Variants in ZC3H8 observed in about 807,000 individuals in gnomAD.
ZC3H8 encodes the protein zinc finger CCCH domain-containing protein 8.
A neutral mutation model predicts 42.5 loss-of-function variants in ZC3H8; 27 were observed. The ratio of observed to expected loss-of-function variants is 0.64; its 90% CI spans 0.47 to 0.88. ZC3H8 has a LOEUF of 0.88. Ranked by LOEUF, ZC3H8 falls within the 40% of genes least tolerant of loss-of-function variation. The probability of loss-of-function intolerance (pLI) is 0.00; values close to 1 mark genes in which losing one functional copy is unlikely to be tolerated. For synonymous variants in ZC3H8, 101 were observed against 110.1 expected (o/e 0.92, Z 0.52); for missense variants, 277 against 336.1 (o/e 0.82, Z 1.37).
chr2:112,227,204 A>T (rs1336599965), intron 8 of ZC3H8, among the ~76,000 whole-genome samples: 1 of 152,242 alleles, frequency 6.6e-6, no homozygotes, highest in African/African-American at 2.4e-5. Context: ...CAGGCACAAA[A>T]GAAATAAAAA....
At position 112,214,610 on chromosome 2, in the gene ZC3H8, C is replaced by T. The variant is rs1684259669; in HGVS notation, c.*1874G>A. The T allele has an allele frequency of 6.6e-6, 1 of 152,136 alleles. No individual in the cohort carries two copies. The highest frequency in any genetic ancestry group is 6.6e-5 in the Admixed American group (1 of 15,252). 9.4% of individuals were successfully genotyped at this position (152,136 alleles called of 1,614,324 possible). On this transcript the variant is annotated 3_prime_UTR_variant, in exon 9 of 9. Transcript: ENST00000409573. ...GCTACAATGGCTAGGTGATAGAGTA[C>T]TTTGGACGAATGGCTCTTGAGACGA...
At position 112,224,107 on chromosome 2, in the gene ZC3H8, C is replaced by T. The variant is rs552942573; in HGVS notation, c.*15+6796G>A. On this transcript the variant is annotated intron_variant, in intron 8 of 8. Coordinates refer to ENST00000409573, the MANE Select transcript of ZC3H8 (RefSeq NM_032494.3). ...TGAGCTGAGATAGATAATGCCACTG[C>T]ACTCCAGCTTAGGTGACAGAGTGAG... Among the ~76,000 whole-genome samples, 37 of 152,250 alleles carry T rather than the reference C, an allele frequency of 2.4e-4. 1 individual carries two copies. In the South Asian group the frequency reaches 7.1e-3, roughly 29 times the overall value.
chr2:112,242,667 T>TAAAAGAA (rs1484261305), intron 2 of ZC3H8, among the ~76,000 whole-genome samples: 1 of 152,214 alleles, frequency 6.6e-6, no homozygotes, highest in Non-Finnish European at 1.5e-5. Flanking sequence ...GTAACAATAC[T>TAAAAGAA]ACAGTAGTGC....
chr2:112,254,962 AAAAGATTCTC>A lies in ZC3H8; in HGVS notation c.10_19del (p.Glu4SerfsTer24). 1 of 1,612,402 alleles carries A rather than the reference AAAAGATTCTC, an allele frequency of 6.2e-7. No homozygotes were observed. Among genetic ancestry groups the A allele is most frequent in the Non-Finnish European group, 8.5e-7 (1 of 1,179,354 alleles). ...GAGGGCCGGGTTGGGGGGTTTTGAG[AAAAGATTCTC>A]AAAATCCATGACCCAGACAGGTCCT... On this transcript the variant is annotated frameshift_variant, in exon 1 of 9. Coordinates refer to ENST00000409573, the MANE Select transcript of ZC3H8 (RefSeq NM_032494.3). LOFTEE classifies it high-confidence loss of function.
At chr2:112,219,651 T>C (rs1684498746) in intron 8 of ZC3H8, among the ~76,000 whole-genome samples, 1 of 146,264 alleles carries the variant, frequency 6.8e-6, no homozygotes, top group African/African-American at 2.6e-5. Flanking sequence ...AGTGGGGTGA[T>C]TTTTTTTTTT....
chr2:112,244,941 G>A (rs1055233715), intron 2 of ZC3H8, among the ~76,000 whole-genome samples: 9 of 152,140 alleles, frequency 5.9e-5, no homozygotes, highest in African/African-American at 1.9e-4. Flanking sequence ...AGTGTTCAAG[G>A]GAAAGGAAGA....
chr2:112,231,787 A>T, intron 7 of ZC3H8, 51 bp downstream of exon 7: 1 of 1,203,476 alleles, frequency 8.3e-7, no homozygotes, highest in Non-Finnish European at 1.2e-6. Context: ...CTTAGTTCAA[A>T]CATATTCCTT....
chr2:112,219,611 TTTC>T (rs771180781), intron 8 of ZC3H8, among the ~76,000 whole-genome samples: 7 of 152,200 alleles, frequency 4.6e-5, no homozygotes, highest in Non-Finnish European at 7.3e-5. Flanking sequence ...GATTTCTACT[TTTC>T]TTGCACAGTG....
chr2:112,230,957 T>TA lies in ZC3H8; in HGVS notation c.844-8dup, dbSNP rs745675983. The TA allele has an allele frequency of 2.4e-3, 2,775 of 1,161,902 alleles. No individual in the cohort carries two copies. Among genetic ancestry groups the TA allele is most frequent in the East Asian group, 4.6e-3 (118 of 25,488 alleles). The allele number at this position is 1,161,902 out of a possible 1,614,324, so 72.0% of individuals were successfully genotyped here. On this transcript the variant is annotated splice_polypyrimidine_tract_variant and splice_region_variant and intron_variant, in intron 7 of 8. Coordinates refer to ENST00000409573, the MANE Select transcript of ZC3H8 (RefSeq NM_032494.3). ...TCTTTTCAGTATCCAAAACCTAATA[T>TA]AAAAAAAAAATCACATAATCATTTT...
intron 6 of ZC3H8, among the ~76,000 whole-genome samples, chr2:112,233,022 G>A (rs1227604459): frequency 6.6e-6 from 1 of 152,112 alleles, no homozygotes; most frequent in East Asian, 1.9e-4. Flanking sequence ...AGGTCTCATG[G>A]ACCCTCTATA....
intron 2 of ZC3H8, among the ~76,000 whole-genome samples, chr2:112,248,363 G>GA (rs1469290710): frequency 6.6e-6 from 1 of 150,770 alleles, no homozygotes; most frequent in Non-Finnish European, 1.5e-5. Context: ...AAAAGAAAAG[G>GA]AAAAAAAGAA....
intron 4 of ZC3H8, 25 bp downstream of exon 4, chr2:112,236,537 T>G: frequency 6.2e-7 from 1 of 1,607,562 alleles, no homozygotes; most frequent in South Asian, 1.1e-5. Context: ...GGGTCAGGTA[T>G]TCCTAGAAGC....
intron 3 of ZC3H8, among the ~76,000 whole-genome samples, chr2:112,238,031 T>C (rs1311414417): frequency 2.6e-5 from 4 of 152,156 alleles, no homozygotes; most frequent in East Asian, 1.9e-4. Flanking sequence ...CCTTCACACA[T>C]GCAGAGGCCA....
chr2:112,237,616 G>A (rs1685396343), intron 3 of ZC3H8, among the ~76,000 whole-genome samples: 2 of 148,750 alleles, frequency 1.3e-5, no homozygotes, highest in Admixed American at 6.7e-5. Flanking sequence ...TCGCTCTGTT[G>A]TCCAGGTTGG....
At chr2:112,217,647 T>C (rs1194894449) in intron 8 of ZC3H8, among the ~76,000 whole-genome samples, 1 of 152,228 alleles carries the variant, frequency 6.6e-6, no homozygotes, top group Non-Finnish European at 1.5e-5. Context: ...CATTCTTTAA[T>C]ATCACCAATG....
intron 2 of ZC3H8, among the ~76,000 whole-genome samples, chr2:112,247,927 C>T (rs1386772579): frequency 6.6e-6 from 1 of 152,234 alleles, no homozygotes; most frequent in East Asian, 1.9e-4. Context: ...TTGGAAGCCA[C>T]ATAGGCCCCA....
At position 112,254,919 on chromosome 2, in the gene ZC3H8, G is replaced by A; in HGVS notation, c.63C>T (p.Asp21=). The A allele has an allele frequency of 1.2e-6, 2 of 1,613,504 alleles. No homozygotes were observed. The highest frequency in any genetic ancestry group is 2.2e-5 in the East Asian group (1 of 44,876). ...PNPALGKTAT[D]SDERIDDEID... ...AGATATGGGATCACCTTTCGTCAGA[G>A]TCCGTGGCCGTTTTGCCGAGGGCCG... is the stretch of plus-strand genomic sequence containing the variant. The change falls in exon 1 of 9, where the codon GAC becomes GAT. Residue 21 remains aspartate, a synonymous_variant. Coordinates refer to ENST00000409573, the MANE Select transcript of ZC3H8 (RefSeq NM_032494.3).
chr2:112,254,759 A>G, intron 1 of ZC3H8, 149 bp downstream of exon 1: 1 of 881,106 alleles, frequency 1.1e-6, no homozygotes, highest in Non-Finnish European at 1.7e-6. Context: ...TATAGGTCAG[A>G]CGGTGGCGCC....
At chr2:112,234,777 G>C (rs1412144428) in intron 4 of ZC3H8, among the ~76,000 whole-genome samples, 1 of 151,682 alleles carries the variant, frequency 6.6e-6, no homozygotes, top group Non-Finnish European at 1.5e-5. Flanking sequence ...TCCAGCCTGG[G>C]CAATAGAACG....
Sources: allele counts gnomAD v4.1 joint callset (sites outside exome capture counted in the v4.1 genomes callset), GRCh38; gene constraint gnomAD v4.1.1; transcripts MANE v1.5; gene names NCBI Gene and HGNC (gene_info 2026-07-23, HGNC 2026-07-21).